Variants in GMEB1 observed in about 807,000 individuals in gnomAD.
GMEB1 encodes glucocorticoid modulatory element binding protein 1.
Under a neutral mutation model 52.4 loss-of-function variants are expected in GMEB1, and 6 were observed. That is an observed-to-expected ratio of 0.11 (90% confidence interval 0.06 to 0.23). The LOEUF (loss-of-function observed/expected upper bound fraction) is 0.23. GMEB1 is among the 10% of genes least tolerant of loss of function. The pLI is 1.00. For missense variants in GMEB1, 486 were observed against 685.6 expected (o/e 0.71, Z 3.25); for synonymous variants, 255 against 244.9 (o/e 1.04, Z -0.38).
chr1:28,704,032 G>A (rs1047998552), intron 7 of GMEB1, among the ~76,000 whole-genome samples, 160 bp from the exon 8 acceptor site: 52 of 152,064 alleles, frequency 3.4e-4, no homozygotes, highest in Non-Finnish European at 7.3e-5. Context: ...CCCACTCAGG[G>A]AAGCATCTAG....
chr1:28,671,105 T>G (rs934374885), intron 1 of GMEB1, among the ~76,000 whole-genome samples: 1 of 152,154 alleles, frequency 6.6e-6, no homozygotes, highest in East Asian at 1.9e-4. Flanking sequence ...CATAATTTAC[T>G]TGTTGACCTC....
chr1:28,669,393 C>T (rs1553133730), intron 1 of GMEB1, among the ~76,000 whole-genome samples: 1 of 152,106 alleles, frequency 6.6e-6, no homozygotes, highest in Non-Finnish European at 1.5e-5. Flanking sequence ...GTGCTGGAAG[C>T]CCGGATGCCC....
chr1:28,676,845 A>T (rs1669174166), intron 1 of GMEB1, among the ~76,000 whole-genome samples: 1 of 152,174 alleles, frequency 6.6e-6, no homozygotes. Context: ...AGGTGAGTGG[A>T]GTTCAAGACC....
chr1:28,689,479 T>A (rs1669851510), intron 2 of GMEB1, among the ~76,000 whole-genome samples: 2 of 151,862 alleles, frequency 1.3e-5, no homozygotes, highest in African/African-American at 4.8e-5. Context: ...ACAAAAAAAA[T>A]TTAGTGGGGC....
At chr1:28,696,404 C>T (rs1316877557) in intron 5 of GMEB1, among the ~76,000 whole-genome samples, 1 of 151,982 alleles carries the variant, frequency 6.6e-6, no homozygotes, top group Non-Finnish European at 1.5e-5. Context: ...TTGTTCTTGG[C>T]GGGTTTTATT....
At chr1:28,691,465 A>G (rs1349644279) in intron 3 of GMEB1, 120 bp from the exon 4 acceptor site, 3 of 571,506 alleles carry the variant, frequency 5.2e-6, no homozygotes, top group Non-Finnish European at 8.1e-6. Context: ...GAGGATTCCT[A>G]AATGATACCA....
chr1:28,679,447 G>C (rs373399909), intron 1 of GMEB1, among the ~76,000 whole-genome samples: 1 of 151,988 alleles, frequency 6.6e-6, no homozygotes, highest in South Asian at 2.1e-4. Context: ...CAAAGTATTG[G>C]GATTACAGGT....
In GMEB1 at chr1:28,716,394, A is replaced by C. The variant is rs1213921729; in HGVS notation, c.*1621A>C. 1 of 152,130 alleles carries C rather than the reference A, an allele frequency of 6.6e-6. No homozygotes were observed. The highest frequency in any genetic ancestry group is 1.5e-5 in the Non-Finnish European group (1 of 68,024). 9.4% of individuals were successfully genotyped at this position (152,130 alleles called of 1,614,324 possible). A position where few individuals can be genotyped will look rare whatever the true frequency, so the allele number is the denominator to read the frequency against. ...CCATTTTTTTGGCTTTGGAACCCAAAGCAGCCACTCATTTGGTGCTTCCTC... is the reference window on the plus strand; with the variant it reads ...CCATTTTTTTGGCTTTGGAACCCAACGCAGCCACTCATTTGGTGCTTCCTC... On this transcript the variant is annotated 3_prime_UTR_variant, in exon 10 of 10. Coordinates refer to ENST00000373816, the MANE Select transcript of GMEB1 (RefSeq NM_001319674.2).
chr1:28,687,400 T>A lies in GMEB1; in HGVS notation c.129-2704T>A, dbSNP rs1329434463. On this transcript the variant is annotated intron_variant, in intron 2 of 9. Coordinates refer to ENST00000373816, the MANE Select transcript of GMEB1 (RefSeq NM_001319674.2). ...CACACACACACACAAAAAAAGACAG[T>A]GGAGAATAATGTTCTGGGAAGTGGC... Among the ~76,000 whole-genome samples, 138 of 22,816 alleles carry A rather than the reference T, an allele frequency of 6.0e-3. 1 individual carries two copies. The highest frequency in any genetic ancestry group is 8.8e-3 in the East Asian group (4 of 452). The allele number at this position is 22,816 out of a possible 152,430, so 15.0% of individuals were successfully genotyped here.
chr1:28,700,684 CAA>C (rs760383155), intron 6 of GMEB1, among the ~76,000 whole-genome samples: 210 of 104,012 alleles, frequency 2.0e-3, no homozygotes, highest in African/African-American at 5.6e-3. Context: ...GACTCTGTCT[CAA>C]AAAAAAAAAA....
intron 1 of GMEB1, among the ~76,000 whole-genome samples, chr1:28,680,821 A>C (rs1669357398): frequency 6.6e-6 from 1 of 152,066 alleles, no homozygotes; most frequent in East Asian, 1.9e-4. Flanking sequence ...AGGTGGGCAG[A>C]TCACCTGAGG....
At chr1:28,708,277 G>C (rs747554877) in intron 8 of GMEB1, among the ~76,000 whole-genome samples, 4 of 151,898 alleles carry the variant, frequency 2.6e-5, no homozygotes, top group Admixed American at 2.0e-4. Context: ...CCATTCTCCT[G>C]CCTCAGCCTC....
intron 7 of GMEB1, 135 bp downstream of exon 7, chr1:28,702,704 A>C (rs867857186): frequency 1.4e-6 from 1 of 690,076 alleles, no homozygotes; most frequent in Middle Eastern, 4.4e-4. Context: ...ATAGCTACAA[A>C]CATCCTACTT....
At position 28,687,378 on chromosome 1, in the gene GMEB1, ACACACAC is replaced by A. The variant is rs1557504291; in HGVS notation, c.129-2725_129-2719del. Among the ~76,000 whole-genome samples the A allele has an allele frequency of 2.1e-4, 27 of 126,780 alleles. 5 individuals are homozygous for A. Among genetic ancestry groups the A allele is most frequent in the Admixed American group, 7.4e-4 (9 of 12,140 alleles). 83.2% of individuals were successfully genotyped at this position (126,780 alleles called of 152,430 possible). A position where few individuals can be genotyped will look rare whatever the true frequency, so the allele number is the denominator to read the frequency against. On this transcript the variant is annotated intron_variant, in intron 2 of 9. Transcript: ENST00000373816. ...CACACACACACACACACACACACAC[ACACACAC>A]ACAAAAAAAGACAGTGGAGAATAAT...
At chr1:28,704,818 G>A (rs1158507823) in intron 8 of GMEB1, among the ~76,000 whole-genome samples, 1 of 151,978 alleles carries the variant, frequency 6.6e-6, no homozygotes, top group Non-Finnish European at 1.5e-5. Context: ...ATGTTGGCCA[G>A]GCTGGTCATG....
chr1:28,696,320 G>T (rs1467400455), intron 5 of GMEB1, among the ~76,000 whole-genome samples: 1 of 152,050 alleles, frequency 6.6e-6, no homozygotes. Flanking sequence ...TCCTGCCTTG[G>T]CCTGCCAAAG....
In GMEB1 at chr1:28,690,224, T is replaced by C. The variant is rs1557506784; in HGVS notation, c.211+38T>C. The stretch of plus-strand genomic sequence containing the variant: ...TTGTGTTTTTTTTTTTTTTTTTTTT[T>C]GTCATTCTAATACCTTTGACTTTAG... On this transcript the variant is annotated intron_variant, in intron 3 of 9. Coordinates refer to ENST00000373816, the MANE Select transcript of GMEB1 (RefSeq NM_001319674.2). 3.2e-6 allele frequency: 3 copies of C among 951,990 alleles called. No individual in the cohort carries two copies. The South Asian group carries it at 4.6e-5, about 15-fold the overall frequency. 59.0% of individuals were successfully genotyped at this position (951,990 alleles called of 1,614,324 possible).
chr1:28,706,132 C>T (rs1016774649), intron 8 of GMEB1, among the ~76,000 whole-genome samples: 1 of 150,758 alleles, frequency 6.6e-6, no homozygotes, highest in South Asian at 2.1e-4. Flanking sequence ...CTGGCCCAAG[C>T]GGAAGAGCGA....
At chr1:28,669,513 G>T (rs916791020) in intron 1 of GMEB1, among the ~76,000 whole-genome samples, 10 of 152,010 alleles carry the variant, frequency 6.6e-5, no homozygotes, top group Admixed American at 6.6e-5. Context: ...TAGAGGCCTC[G>T]GCCACTCAGA....
Sources: gnomAD v4.1 joint callset for allele counts (sites outside exome capture counted in the v4.1 genomes callset) on GRCh38, gnomAD v4.1.1 for gene constraint, MANE v1.5 for transcripts, NCBI Gene and HGNC (gene_info 2026-07-23, HGNC 2026-07-21) for gene names.